Variants in LSAMP observed in about 807,000 individuals in gnomAD.
LSAMP encodes the protein limbic system associated membrane protein, also known as limbic system-associated membrane protein.
A neutral mutation model predicts 38.6 loss-of-function variants in LSAMP; 7 were observed. That is an observed-to-expected ratio of 0.18 (90% CI 0.10 to 0.34). The LOEUF is 0.34. LSAMP is among the 10% of genes least tolerant of loss of function. LSAMP has a pLI of 1.00. For synonymous variants in LSAMP, 154 were observed against 166.8 expected, an observed-to-expected ratio of 0.92 and a Z score of 0.59; for missense variants, 313 against 420.0, an observed-to-expected ratio of 0.75 and a Z score of 2.23.
chr3:116,287,424 C>T (rs561978189), intron 1 of LSAMP, among the ~76,000 whole-genome samples: 3 of 152,260 alleles, frequency 2.0e-5, no homozygotes, highest in Non-Finnish European at 4.4e-5. Flanking sequence ...GCATAATAAT[C>T]AGGCTCTCAT....
At chr3:116,267,742 G>A (rs1156328551) in intron 1 of LSAMP, among the ~76,000 whole-genome samples, 2 of 152,056 alleles carry the variant, frequency 1.3e-5, no homozygotes, top group Non-Finnish European at 2.9e-5. Flanking sequence ...CTCTCCGCCT[G>A]CAGCAGAGAC....
chr3:116,195,590 A>G (rs1710863167), intron 1 of LSAMP, among the ~76,000 whole-genome samples: 1 of 152,200 alleles, frequency 6.6e-6, no homozygotes, highest in African/African-American at 2.4e-5. Context: ...AAGAAGCAAA[A>G]TAAATTGACA....
chr3:116,228,755 G>C (rs1053357336), intron 1 of LSAMP, among the ~76,000 whole-genome samples: 8 of 152,050 alleles, frequency 5.3e-5, no homozygotes, highest in Non-Finnish European at 1.0e-4. Context: ...AATCAAATGT[G>C]GGTACTATAA....
chr3:116,195,232 C>T (rs774596282), intron 1 of LSAMP, among the ~76,000 whole-genome samples: 1 of 152,176 alleles, frequency 6.6e-6, no homozygotes, highest in Non-Finnish European at 1.5e-5. Context: ...TTACTCACTG[C>T]CCTCTAATTG....
intron 1 of LSAMP, among the ~76,000 whole-genome samples, chr3:116,268,789 A>G (rs114348048): frequency 0.013 from 1,994 of 152,180 alleles, 39 homozygotes; most frequent in African/African-American, 0.044. Context: ...CATTTAAAAA[A>G]ATATTATTAT....
intron 3 of LSAMP, among the ~76,000 whole-genome samples, chr3:115,939,692 C>G (rs1937842784): frequency 6.6e-6 from 1 of 151,940 alleles, no homozygotes; most frequent in African/African-American, 2.4e-5. Flanking sequence ...GTATCTGAAA[C>G]TATAGGCACA....
chr3:116,131,184 G>A (rs1338679942), intron 1 of LSAMP, among the ~76,000 whole-genome samples: 2 of 151,606 alleles, frequency 1.3e-5, no homozygotes, highest in African/African-American at 4.8e-5. Context: ...GTAGAGACAG[G>A]GTTTCACTGT....
chr3:116,190,301 C>T (rs1435299493), intron 1 of LSAMP, among the ~76,000 whole-genome samples: 6 of 152,092 alleles, frequency 3.9e-5, no homozygotes, highest in Non-Finnish European at 7.4e-5. Context: ...ACCTTCCTTT[C>T]CCCCCTTTTT....
chr3:115,874,177 G>A (rs187944491), intron 3 of LSAMP, among the ~76,000 whole-genome samples: 2 of 152,166 alleles, frequency 1.3e-5, no homozygotes, highest in African/African-American at 4.8e-5. Context: ...ATTTCAGCAC[G>A]TAGATTGATT....
intron 3 of LSAMP, among the ~76,000 whole-genome samples, chr3:115,963,126 G>A (rs1938684380): frequency 6.6e-6 from 1 of 152,082 alleles, no homozygotes; most frequent in African/African-American, 2.4e-5. Context: ...CAACTTGATT[G>A]TGTGGGACCA....
intron 1 of LSAMP, among the ~76,000 whole-genome samples, chr3:116,208,422 A>ATCCG: frequency 6.6e-6 from 1 of 152,210 alleles, no homozygotes; most frequent in Non-Finnish European, 1.5e-5. Flanking sequence ...TTCTCCGTCT[A>ATCCG]GCTTTGTTCC....
intron 1 of LSAMP, among the ~76,000 whole-genome samples, chr3:116,293,068 C>T (rs1457536018): frequency 6.6e-6 from 1 of 152,206 alleles, no homozygotes; most frequent in Non-Finnish European, 1.5e-5. Flanking sequence ...TTCACCCTAT[C>T]ATATGTACCA....
At chr3:116,078,961 C>T (rs1576349933) in intron 2 of LSAMP, among the ~76,000 whole-genome samples, 1 of 152,088 alleles carries the variant, frequency 6.6e-6, no homozygotes, top group Admixed American at 6.6e-5. Flanking sequence ...GGTGTCTGTG[C>T]TCCAGGGCCT....
chr3:116,046,787 T>C (rs1941298602), intron 2 of LSAMP, among the ~76,000 whole-genome samples: 1 of 152,180 alleles, frequency 6.6e-6, no homozygotes, highest in Admixed American at 6.5e-5. Flanking sequence ...ACAAGAGTGC[T>C]CCAGATACCA....
At chr3:116,217,983 A>G (rs1037225616) in intron 1 of LSAMP, among the ~76,000 whole-genome samples, 1 of 152,194 alleles carries the variant, frequency 6.6e-6, no homozygotes, top group Non-Finnish European at 1.5e-5. Context: ...TAAACTTGGT[A>G]TAAAGCATGT....
chr3:116,078,271 T>C (rs1191772427), intron 2 of LSAMP, among the ~76,000 whole-genome samples: 1 of 149,186 alleles, frequency 6.7e-6, no homozygotes, highest in Non-Finnish European at 1.5e-5. Context: ...AAGGGCTTTA[T>C]ATCCTCTTTA....
chr3:116,417,475 T>C (rs547936273), intron 1 of LSAMP, among the ~76,000 whole-genome samples: 26 of 152,350 alleles, frequency 1.7e-4, no homozygotes, highest in Admixed American at 9.2e-4. Context: ...TGTTATCAGC[T>C]GCCTGCACTT....
intron 1 of LSAMP, among the ~76,000 whole-genome samples, chr3:116,347,038 C>T (rs1177462939): frequency 6.6e-6 from 1 of 152,136 alleles, no homozygotes; most frequent in Non-Finnish European, 1.5e-5. Flanking sequence ...TGATAAAACA[C>T]TAATACAGAA....
At position 116,138,074 on chromosome 3, in the gene LSAMP, T is replaced by C. The variant is rs113123304; in HGVS notation, c.156-51518A>G. On this transcript the variant is annotated intron_variant, in intron 1 of 6. Coordinates refer to ENST00000490035, the MANE Select transcript of LSAMP (RefSeq NM_002338.5). Reference sequence around the variant, plus strand: ...TCTAGTTACAAAGCAGATTCTAGTATAGTAGGTCAGTGGTAGGTCTTGAGA... The same window carrying C: ...TCTAGTTACAAAGCAGATTCTAGTACAGTAGGTCAGTGGTAGGTCTTGAGA... 9.9e-3 allele frequency among the ~76,000 whole-genome samples: 1,508 copies of C among 152,222 alleles called. 30 individuals carry two copies. The highest frequency in any genetic ancestry group is 0.032 in the African/African-American group (1,346 of 41,558).
Sources: gnomAD v4.1 joint callset for allele counts (sites outside exome capture counted in the v4.1 genomes callset) on GRCh38, gnomAD v4.1.1 for gene constraint, MANE v1.5 for transcripts, NCBI Gene and HGNC (gene_info 2026-07-23, HGNC 2026-07-21) for gene names.